The following SLC30A9 variants were observed in gnomAD, a reference collection of about 807,000 sequenced individuals.
SLC30A9 encodes solute carrier family 30 member 9.
A neutral mutation model predicts 87.5 loss-of-function variants in SLC30A9; 58 were observed. The ratio of observed to expected loss-of-function variants is 0.66; its 90% confidence interval spans 0.54 to 0.82. The LOEUF (loss-of-function observed/expected upper bound fraction) is 0.82, where lower values mean the gene tolerates loss of function less well. Ranked by LOEUF, SLC30A9 falls within the 40% of genes least tolerant of loss-of-function variation. SLC30A9 has a pLI of 0.00. For synonymous variants in SLC30A9, 234 were observed against 233.0 expected, an observed-to-expected ratio of 1.00 and a Z score of -0.04; for missense variants, 557 against 679.1, an observed-to-expected ratio of 0.82 and a Z score of 2.00.
chr4:42,082,220 A>T (rs1249520376), intron 17 of SLC30A9, among the ~76,000 whole-genome samples: 52 of 36,208 alleles, frequency 1.4e-3, no homozygotes, highest in Non-Finnish European at 7.5e-3. Flanking sequence ...CCGTCTCAAA[A>T]AAAAAAAAAA....
chr4:42,035,972 C>T (rs1442403400), intron 7 of SLC30A9, among the ~76,000 whole-genome samples: 1 of 152,138 alleles, frequency 6.6e-6, no homozygotes, highest in Non-Finnish European at 1.5e-5. Flanking sequence ...AACTCTGGTT[C>T]AACATTCAGA....
At chr4:42,019,779 T>G (rs1715868925) in intron 3 of SLC30A9, among the ~76,000 whole-genome samples, 1 of 152,060 alleles carries the variant, frequency 6.6e-6, no homozygotes, top group Admixed American at 6.5e-5. Context: ...AACTACTCTG[T>G]TATTTTATTT....
chr4:42,062,860 TCTTA>T (rs1034868785), intron 10 of SLC30A9, 122 bp from the exon 11 acceptor site: 11 of 808,438 alleles, frequency 1.4e-5, no homozygotes, highest in Non-Finnish European at 2.0e-5. Context: ...GCACTTAACA[TCTTA>T]CTTAAATATA....
chr4:42,069,251 T>G (rs6815348), intron 14 of SLC30A9, among the ~76,000 whole-genome samples: 1 of 152,176 alleles, frequency 6.6e-6, no homozygotes, highest in East Asian at 1.9e-4. Flanking sequence ...TCAAATCAAA[T>G]TTACAAAAAT....
intron 1 of SLC30A9, among the ~76,000 whole-genome samples, chr4:41,999,104 A>G (rs1292466186): frequency 6.6e-6 from 1 of 152,216 alleles, no homozygotes; most frequent in Non-Finnish European, 1.5e-5. Flanking sequence ...TAGTCAGGAT[A>G]ATGACTAAAC....
rs1560545939 is a variant in SLC30A9, at chr4:42,035,338, G to A, written c.669+5G>A. On this transcript the variant is annotated splice_donor_5th_base_variant and intron_variant, in intron 7 of 17. Coordinates refer to ENST00000264451, the MANE Select transcript of SLC30A9 (RefSeq NM_006345.4). ...GATTTCTTGGGAAATACCAAGGTAT[G>A]GATATCTTTGTAATAATGTGTGTGT... The A allele has an allele frequency of 1.2e-6, 2 of 1,602,394 alleles. No homozygotes were observed. The highest frequency in any genetic ancestry group is 2.2e-5 in the East Asian group (1 of 44,538).
At chr4:41,996,853 G>A (rs1271046840) in intron 1 of SLC30A9, among the ~76,000 whole-genome samples, 2 of 152,080 alleles carry the variant, frequency 1.3e-5, no homozygotes, top group African/African-American at 2.4e-5. Flanking sequence ...GGCCCACATG[G>A]TGAAACCACA....
rs1047673542 is a variant in SLC30A9, at chr4:42,004,028, C to G, written c.274+2248C>G. On this transcript the variant is annotated intron_variant, in intron 2 of 17. Transcript: ENST00000264451. ...TTGCTTGCTTAGATTTATTCAGAAT[C>G]TTTGTTAGCCACCTTTTCTTATGTC... is the stretch of plus-strand genomic sequence containing the variant. 3.9e-5 allele frequency among the ~76,000 whole-genome samples: 6 copies of G among 152,274 alleles called. No individual in the cohort carries two copies. The East Asian group carries it at 7.7e-4, about 20-fold the overall frequency.
intron 9 of SLC30A9, among the ~76,000 whole-genome samples, chr4:42,057,352 C>A (rs1717665590): frequency 6.6e-6 from 1 of 152,238 alleles, no homozygotes; most frequent in African/African-American, 2.4e-5. Flanking sequence ...TCCCATACAT[C>A]CTCTGAAATC....
intron 6 of SLC30A9, among the ~76,000 whole-genome samples, chr4:42,026,502 C>G (rs1716198199): frequency 6.6e-6 from 1 of 152,152 alleles, no homozygotes; most frequent in Admixed American, 6.5e-5. Flanking sequence ...AAACGACTAA[C>G]AGATTTTATT....
rs757480898 is a variant in SLC30A9 at position 42,022,887 on chromosome 4, A to G, written c.484A>G (p.Thr162Ala). The G allele has an allele frequency of 1.2e-6, 2 of 1,602,746 alleles. No homozygotes were observed. Among genetic ancestry groups the G allele is most frequent in the South Asian group, 2.2e-5 (2 of 89,186 alleles). Residue 162 changes from threonine to alanine, a missense_variant, in exon 5 of 18, where the codon ACT becomes GCT. Coordinates refer to ENST00000264451, the MANE Select transcript of SLC30A9 (RefSeq NM_006345.4). ...KIRRRSPHED[T>A]ESFTVYLRSD... is the part of the protein sequence containing the mutation. ...CAGACGACGAAGTCCCCATGAAGAT[A>G]CTGAGTCTTTTACTGTATACTTGAG...
At chr4:42,075,865 T>TA in intron 16 of SLC30A9, 79 bp downstream of exon 16, 1 of 1,424,118 alleles carries the variant, frequency 7.0e-7, no homozygotes, top group Non-Finnish European at 9.5e-7. Context: ...AATTTTTTTT[T>TA]ATAGATCTTA....
At chr4:42,068,144 T>C (rs995262681) in intron 14 of SLC30A9, among the ~76,000 whole-genome samples, 1 of 152,206 alleles carries the variant, frequency 6.6e-6, no homozygotes, top group African/African-American at 2.4e-5. Context: ...AAAATGTATA[T>C]GTAGCCCACA....
At position 42,038,745 on chromosome 4, in the gene SLC30A9, C is replaced by G. The variant is rs527342843; in HGVS notation, c.670-241C>G. Among the ~76,000 whole-genome samples the G allele has an allele frequency of 1.4e-4, 21 of 152,304 alleles. No homozygotes were observed. The South Asian group carries it at 4.3e-3, about 32-fold the overall frequency. On this transcript the variant is annotated intron_variant, in intron 7 of 17. Coordinates refer to ENST00000264451, the MANE Select transcript of SLC30A9 (RefSeq NM_006345.4). ...TTTATGTAGCCAGCTCAGATCCTTTCTGGAAGTAGGCAGGACATGAATTAC... is the reference window on the plus strand; with the variant it reads ...TTTATGTAGCCAGCTCAGATCCTTTGTGGAAGTAGGCAGGACATGAATTAC...
chr4:42,025,185 AT>A (rs1391820662), intron 6 of SLC30A9, among the ~76,000 whole-genome samples: 1 of 152,244 alleles, frequency 6.6e-6, no homozygotes, highest in Non-Finnish European at 1.5e-5. Context: ...AGGTCCAGAC[AT>A]TATATCATTT....
chr4:42,029,929 C>A, intron 6 of SLC30A9: 2 of 788,600 alleles, frequency 2.5e-6, no homozygotes, highest in Non-Finnish European at 4.4e-6. Context: ...CTTGGTTTTC[C>A]TCTGCAGAAT....
intron 6 of SLC30A9, among the ~76,000 whole-genome samples, chr4:42,026,526 T>C (rs1356008595): frequency 6.6e-6 from 1 of 152,214 alleles, no homozygotes; most frequent in Non-Finnish European, 1.5e-5. Context: ...CATCGTGAGG[T>C]TTCTCAGAAG....
chr4:41,992,238 G>T (rs968233135), intron 1 of SLC30A9, among the ~76,000 whole-genome samples: 3 of 151,834 alleles, frequency 2.0e-5, no homozygotes, highest in Non-Finnish European at 2.9e-5. Flanking sequence ...GTACTCAGGA[G>T]GCTGAGGTGG....
At chr4:41,991,422 A>G (rs538526795) in intron 1 of SLC30A9, among the ~76,000 whole-genome samples, 1 of 152,254 alleles carries the variant, frequency 6.6e-6, no homozygotes, top group Non-Finnish European at 1.5e-5. Flanking sequence ...CTCTCTCAAC[A>G]TTCTTTTCTG....
Sources: allele counts gnomAD v4.1 joint callset (sites outside exome capture counted in the v4.1 genomes callset), GRCh38; gene constraint gnomAD v4.1.1; transcripts MANE v1.5; gene names NCBI Gene and HGNC (gene_info 2026-07-23, HGNC 2026-07-21).